The following HS6ST3 variants were observed in gnomAD, a reference collection of about 807,000 sequenced individuals.
The protein encoded by HS6ST3 is heparan-sulfate 6-O-sulfotransferase 3.
A neutral mutation model predicts 36.7 loss-of-function variants in HS6ST3; 12 were observed. The observed-to-expected ratio is 0.33, with a 90% confidence interval of 0.21 to 0.53. The LOEUF (loss-of-function observed/expected upper bound fraction) is 0.53. Ranked by LOEUF, HS6ST3 falls within the 20% of genes least tolerant of loss-of-function variation. HS6ST3 has a pLI of 0.95. For missense variants in HS6ST3, 584 were observed against 640.9 expected, an observed-to-expected ratio of 0.91 and a Z score of 0.96; for synonymous variants, 240 against 257.5, an observed-to-expected ratio of 0.93 and a Z score of 0.65.
At chr13:96,493,242 T>C (rs543537569) in intron 1 of HS6ST3, among the ~76,000 whole-genome samples, 1 of 152,164 alleles carries the variant, frequency 6.6e-6, no homozygotes, top group Non-Finnish European at 1.5e-5. Context: ...ATTCATCATT[T>C]GGAGGGAGGT....
chr13:96,794,463 T>C (rs1877863838), intron 1 of HS6ST3, among the ~76,000 whole-genome samples: 1 of 152,118 alleles, frequency 6.6e-6, no homozygotes, highest in Admixed American at 6.6e-5. Context: ...ATTTCCTGAA[T>C]ATTTGTGGCC....
chr13:96,464,138 C>CAAAAAAAAAAAAAAAAAAAAAA lies in HS6ST3; in HGVS notation c.708-368350_708-368329dup, dbSNP rs67305199. 1.3e-3 allele frequency among the ~76,000 whole-genome samples: 49 copies of CAAAAAAAAAAAAAAAAAAAAAA among 38,782 alleles called. 9 individuals carry two copies. The highest frequency in any genetic ancestry group is 1.9e-3 in the Non-Finnish European group (38 of 19,900). The allele number at this position is 38,782 out of a possible 152,430, so 25.4% of individuals were successfully genotyped here. A position where few individuals can be genotyped will look rare whatever the true frequency, so the allele number is the denominator to read the frequency against. ...TCCTCAGGAAAGGACTGTCAGGCCT[C>CAAAAAAAAAAAAAAAAAAAAAA]AAAAAAAAAAAAAAAAAAAAAAATC... On this transcript the variant is annotated intron_variant, in intron 1 of 1. Coordinates refer to ENST00000376705, the MANE Select transcript of HS6ST3 (RefSeq NM_153456.4).
chr13:96,293,509 G>T (rs997811562), intron 1 of HS6ST3, among the ~76,000 whole-genome samples: 3 of 151,962 alleles, frequency 2.0e-5, no homozygotes, highest in Admixed American at 1.3e-4. Flanking sequence ...CAGTACACTT[G>T]TATGTACATA....
intron 1 of HS6ST3, among the ~76,000 whole-genome samples, chr13:96,510,271 A>G (rs1178247971): frequency 6.6e-6 from 1 of 152,064 alleles, no homozygotes; most frequent in African/African-American, 2.4e-5. Context: ...TTTTTATCAA[A>G]CCTAGGAGTC....
chr13:96,751,794 ATG>A (rs1331284811), intron 1 of HS6ST3, among the ~76,000 whole-genome samples: 2 of 151,630 alleles, frequency 1.3e-5, no homozygotes, highest in Admixed American at 6.6e-5. Context: ...ATATATACAT[ATG>A]TGTGTATGTG....
At chr13:96,729,375 C>G (rs894799362) in intron 1 of HS6ST3, among the ~76,000 whole-genome samples, 3 of 152,186 alleles carry the variant, frequency 2.0e-5, no homozygotes, top group East Asian at 1.9e-4. Flanking sequence ...CATCCTATAC[C>G]CTGAACTAAA....
intron 1 of HS6ST3, among the ~76,000 whole-genome samples, chr13:96,373,845 A>G (rs16953158): frequency 0.014 from 2,173 of 152,308 alleles, 26 homozygotes; most frequent in East Asian, 0.056. Flanking sequence ...ATCGACATGA[A>G]AAGCACTACT....
rs569716831 is a variant in HS6ST3 at position 96,149,081 on chromosome 13, C to CA, written c.707+57514dup. Among the ~76,000 whole-genome samples, 608 of 152,180 alleles carry CA rather than the reference C, an allele frequency of 4.0e-3. 2 individuals are homozygous for CA. The highest frequency in any genetic ancestry group is 0.017 in the Middle Eastern group (5 of 294). ...CTCATTTAGAAAATGGAATAGGAAA[C>CA]AATGTGGTTGAAGGACAGGGAAACA... is the stretch of plus-strand genomic sequence containing the variant. On this transcript the variant is annotated intron_variant, in intron 1 of 1. Transcript: ENST00000376705.
intron 1 of HS6ST3, among the ~76,000 whole-genome samples, chr13:96,831,087 T>A (rs576022293): frequency 6.6e-6 from 1 of 152,206 alleles, no homozygotes; most frequent in Non-Finnish European, 1.5e-5. Context: ...TTGTCCTTAT[T>A]TTAAACCAGT....
chr13:96,303,187 G>T (rs949293872), intron 1 of HS6ST3, among the ~76,000 whole-genome samples: 7 of 152,162 alleles, frequency 4.6e-5, no homozygotes, highest in Admixed American at 3.3e-4. Flanking sequence ...ATGTTTAACA[G>T]AAATGTTGAT....
chr13:96,546,637 A>T (rs2056198779), intron 1 of HS6ST3, among the ~76,000 whole-genome samples: 1 of 152,210 alleles, frequency 6.6e-6, no homozygotes, highest in Non-Finnish European at 1.5e-5. Flanking sequence ...GAAAAATTTT[A>T]ACACAGAAAT....
At chr13:96,393,655 C>CT (rs1566347852) in intron 1 of HS6ST3, among the ~76,000 whole-genome samples, 2 of 152,122 alleles carry the variant, frequency 1.3e-5, no homozygotes, top group African/African-American at 2.4e-5. Flanking sequence ...TGCGGCATTG[C>CT]TTTTTGACTC....
intron 1 of HS6ST3, among the ~76,000 whole-genome samples, chr13:96,317,089 G>A (rs901299290): frequency 1.3e-5 from 2 of 151,694 alleles, no homozygotes; most frequent in African/African-American, 2.4e-5. Context: ...ATACCCAATA[G>A]GTAGTTTTTC....
intron 1 of HS6ST3, among the ~76,000 whole-genome samples, chr13:96,114,934 A>T (rs777074673): frequency 2.0e-5 from 3 of 152,312 alleles, no homozygotes; most frequent in South Asian, 4.1e-4. Flanking sequence ...ATGGTAGGCA[A>T]TCAGTTTTTG....
At chr13:96,136,809 T>TTTC (rs1375480132) in intron 1 of HS6ST3, among the ~76,000 whole-genome samples, 1 of 151,212 alleles carries the variant, frequency 6.6e-6, no homozygotes, top group Non-Finnish European at 1.5e-5. Context: ...TTGCAATGAG[T>TTTC]TTCTTCATCT....
At chr13:96,463,486 T>C (rs543383142) in intron 1 of HS6ST3, among the ~76,000 whole-genome samples, 2 of 152,230 alleles carry the variant, frequency 1.3e-5, no homozygotes, top group East Asian at 3.9e-4. Context: ...GAGAAAACTA[T>C]AAAATGTTTA....
intron 1 of HS6ST3, among the ~76,000 whole-genome samples, chr13:96,255,312 A>G (rs372935218): frequency 6.6e-6 from 1 of 152,178 alleles, no homozygotes; most frequent in Non-Finnish European, 1.5e-5. Context: ...GCAGTCATGT[A>G]CAAAAGCTGA....
At chr13:96,364,153 A>G (rs540108042) in intron 1 of HS6ST3, among the ~76,000 whole-genome samples, 18 of 152,156 alleles carry the variant, frequency 1.2e-4, no homozygotes, top group Non-Finnish European at 2.6e-4. Flanking sequence ...AGTATGTAGA[A>G]AAATTGAAAC....
intron 1 of HS6ST3, among the ~76,000 whole-genome samples, chr13:96,677,928 A>G (rs1202173709): frequency 6.6e-6 from 1 of 152,160 alleles, no homozygotes; most frequent in African/African-American, 2.4e-5. Flanking sequence ...ATTTGTCAAT[A>G]CCATTTTTAA....
Sources: gnomAD v4.1 joint callset for allele counts (sites outside exome capture counted in the v4.1 genomes callset) on GRCh38, gnomAD v4.1.1 for gene constraint, MANE v1.5 for transcripts, NCBI Gene and HGNC (gene_info 2026-07-23, HGNC 2026-07-21) for gene names.